The following ATP2C1 variants were observed in gnomAD, a reference collection of about 807,000 sequenced individuals.
ATP2C1 encodes ATPase secretory pathway Ca2+ transporting 1, also known as calcium-transporting ATPase type 2C member 1.
A neutral mutation model predicts 120.5 loss-of-function variants in ATP2C1; 31 were observed. That is an observed-to-expected ratio of 0.26 (90% CI 0.19 to 0.35). The LOEUF (loss-of-function observed/expected upper bound fraction) is 0.35. Ranked by LOEUF, ATP2C1 falls within the 10% of genes least tolerant of loss-of-function variation. The pLI is 1.00. For synonymous variants in ATP2C1, 351 were observed against 358.7 expected (o/e 0.98, Z 0.24); for missense variants, 731 against 1,107.5 (o/e 0.66, Z 4.83).
chr3:130,862,692 G>T (rs1370407599), intron 1 of ATP2C1, among the ~76,000 whole-genome samples: 3 of 152,150 alleles, frequency 2.0e-5, no homozygotes, highest in Non-Finnish European at 4.4e-5. Context: ...AGGTAGTAGG[G>T]ATATTCCTGT....
Position 130,934,693 on chromosome 3 carries a change from T to C in ATP2C1, c.306T>C (p.Asp102=), listed in dbSNP as rs746716018. 95 of 1,609,862 alleles carry C rather than the reference T, an allele frequency of 5.9e-5. No individual in the cohort carries two copies. Among genetic ancestry groups the C allele is most frequent in the Non-Finnish European group, 7.6e-5 (89 of 1,176,332 alleles). Residue 102 remains aspartate, a synonymous_variant, in exon 5 of 28, where the codon GAT becomes GAC. Transcript: ENST00000510168. ...VISVLMHQFD[D]AVSITVAILI... The stretch of plus-strand genomic sequence containing the variant: ...GTGTTTTAATGCATCAGTTTGATGA[T>C]GCCGTCAGTATCACTGTGGTAAGAA...
intron 24 of ATP2C1, 110 bp from the exon 25 acceptor site, chr3:130,997,496 C>G: frequency 2.0e-6 from 2 of 1,024,938 alleles, no homozygotes; most frequent in Non-Finnish European, 3.0e-6. Flanking sequence ...CATTTTGTTT[C>G]TATAAGAAAG....
intron 17 of ATP2C1, among the ~76,000 whole-genome samples, chr3:130,974,888 T>C (rs1377643673): frequency 6.6e-6 from 1 of 152,166 alleles, no homozygotes; most frequent in Non-Finnish European, 1.5e-5. Context: ...TGAAGATTAT[T>C]TACCATGACA....
chr3:130,878,384 C>G (rs2068676185), intron 1 of ATP2C1, among the ~76,000 whole-genome samples: 1 of 151,802 alleles, frequency 6.6e-6, no homozygotes, highest in South Asian at 2.1e-4. Flanking sequence ...TTTTGTGTAC[C>G]CTTTGTTTCT....
At position 130,894,143 on chromosome 3, in the gene ATP2C1, CTT is replaced by C; in HGVS notation, c.-374_-373del. 1.1e-6 allele frequency: 1 copy of C among 897,294 alleles called. No individual in the cohort carries two copies. Among genetic ancestry groups the C allele is most frequent in the Non-Finnish European group, 1.3e-6 (1 of 749,616 alleles). 55.6% of individuals were successfully genotyped at this position (897,294 alleles called of 1,614,324 possible). A position where few individuals can be genotyped will look rare whatever the true frequency, so the allele number is the denominator to read the frequency against. On this transcript the variant is annotated 5_prime_UTR_variant, in exon 1 of 28. Transcript: ENST00000510168. This position sits in a 1 kb window ranked among gnomAD's most constrained non-coding sequence, Gnocchi z 4.5. ...ACCGTGACGGGTCCCCTCACCTCCT[CTT>C]CTCTCCCCTCCCCGCCCGCCCTCTC...
downstream of ATP2C1, among the ~76,000 whole-genome samples, chr3:131,005,176 T>A (rs2063059670): frequency 6.9e-6 from 1 of 144,318 alleles, no homozygotes; most frequent in African/African-American, 2.6e-5. Context: ...AGTACAGTGG[T>A]GTGATCTTGG....
chr3:130,877,006 G>T (rs2068626120), intron 1 of ATP2C1, among the ~76,000 whole-genome samples: 1 of 152,126 alleles, frequency 6.6e-6, no homozygotes, highest in Admixed American at 6.5e-5. Flanking sequence ...AAGTACTTTG[G>T]TGGAGTATTT....
At chr3:130,941,548 A>ATT (rs574910930) in intron 7 of ATP2C1, 43 bp from the exon 8 acceptor site, 33 of 1,173,790 alleles carry the variant, frequency 2.8e-5, no homozygotes, top group Non-Finnish European at 3.7e-5. Flanking sequence ...AGTTGCATGA[A>ATT]TTTTTTTTTT....
intron 8 of ATP2C1, among the ~76,000 whole-genome samples, chr3:130,944,444 TTGCTAGCTTGAGATGGCTATCTTCTTG>T (rs1421689278): frequency 6.6e-6 from 1 of 152,230 alleles, no homozygotes. Context: ...GTGAGGACTG[TTGCTAGCTTGAGATGGCTATCTTCTTG>T]CAGAGTCCTC....
intron 2 of ATP2C1, among the ~76,000 whole-genome samples, chr3:130,901,403 A>G (rs1262471425): frequency 6.6e-6 from 1 of 152,060 alleles, no homozygotes; most frequent in African/African-American, 2.4e-5. Context: ...TCCTGATTTC[A>G]TCTGTTAGAA....
At chr3:130,943,111 A>G (rs761084622) in intron 8 of ATP2C1, among the ~76,000 whole-genome samples, 1 of 152,238 alleles carries the variant, frequency 6.6e-6, no homozygotes, top group Non-Finnish European at 1.5e-5. Context: ...TTGACTTGAC[A>G]GTTAATTATT....
intron 1 of ATP2C1, among the ~76,000 whole-genome samples, chr3:130,879,904 G>A (rs2068729056): frequency 6.6e-6 from 1 of 152,124 alleles, no homozygotes; most frequent in Admixed American, 6.5e-5. Flanking sequence ...GATGATCCTT[G>A]GGCCCCTGGG....
At chr3:130,879,929 A>G (rs1260306325) in intron 1 of ATP2C1, among the ~76,000 whole-genome samples, 2 of 152,180 alleles carry the variant, frequency 1.3e-5, no homozygotes, top group African/African-American at 4.8e-5. Context: ...ACATGGGTGC[A>G]TGATGACCTC....
chr3:130,993,133 T>C, intron 21 of ATP2C1, 132 bp downstream of exon 21: 2 of 710,556 alleles, frequency 2.8e-6, no homozygotes, highest in South Asian at 3.3e-5. Flanking sequence ...TTTTTTTTTT[T>C]TGTAAGAGCT....
intron 1 of ATP2C1, among the ~76,000 whole-genome samples, chr3:130,853,839 G>A (rs1039403109): frequency 1.1e-4 from 16 of 152,298 alleles, no homozygotes; most frequent in African/African-American, 2.9e-4. Context: ...AGATACTGGT[G>A]TAAAGGTGAC....
intron 2 of ATP2C1, among the ~76,000 whole-genome samples, chr3:130,901,651 A>G (rs2057828413): frequency 6.6e-6 from 1 of 152,100 alleles, no homozygotes. Context: ...AAGGGAATAT[A>G]TAGGTCAGAC....
intron 16 of ATP2C1, among the ~76,000 whole-genome samples, chr3:130,967,794 GATA>G (rs2061115989): frequency 6.6e-6 from 1 of 152,120 alleles, no homozygotes. Flanking sequence ...TCTATGTAAA[GATA>G]ATAACACAGT....
chr3:130,903,152 G>A (rs1431296796), intron 2 of ATP2C1, among the ~76,000 whole-genome samples: 1 of 152,016 alleles, frequency 6.6e-6, no homozygotes, highest in Non-Finnish European at 1.5e-5. Context: ...TTTATTAATT[G>A]CAGGTGGAAT....
At chr3:130,972,814 AT>A (rs141499917) in intron 17 of ATP2C1, among the ~76,000 whole-genome samples, 6,592 of 151,984 alleles carry the variant, frequency 0.043, 228 homozygotes, top group Non-Finnish European at 0.067. Flanking sequence ...TTATGGCTGC[AT>A]AGTATTCCAT....
Sources: allele counts gnomAD v4.1 joint callset (sites outside exome capture counted in the v4.1 genomes callset), GRCh38; gene constraint gnomAD v4.1.1; non-coding constraint Gnocchi (gnomAD v3.1); transcripts MANE v1.5; gene names NCBI Gene and HGNC (gene_info 2026-07-23, HGNC 2026-07-21).